ETV6: variants seen among roughly 807,000 people sequenced by gnomAD.
ETV6 encodes ETS variant transcription factor 6, also known as transcription factor ETV6.
In ETV6, 16 loss-of-function variants were observed where a neutral mutation model predicts 51.1. The observed-to-expected ratio is 0.31, with a 90% CI of 0.21 to 0.48. The LOEUF (loss-of-function observed/expected upper bound fraction) is 0.48, where lower values mean the gene tolerates loss of function less well. Among genes scored for constraint, ETV6 ranks in the 20% least tolerant of loss-of-function variants. ETV6 has a pLI of 0.99. For missense variants in ETV6, 458 were observed against 594.8 expected (o/e 0.77, Z 2.39); for synonymous variants, 240 against 224.1 (o/e 1.07, Z -0.64).
chr12:11,889,611 G>A (rs1947256438), intron 7 of ETV6, among the ~76,000 whole-genome samples: 1 of 152,142 alleles, frequency 6.6e-6, no homozygotes, highest in African/African-American at 2.4e-5. Flanking sequence ...AGTCAGGAGG[G>A]CTCCAGATAA....
At chr12:11,766,728 C>T (rs1047254170) in intron 2 of ETV6, among the ~76,000 whole-genome samples, 2 of 150,748 alleles carry the variant, frequency 1.3e-5, no homozygotes, top group Non-Finnish European at 3.0e-5. Flanking sequence ...CCCCTTTTGA[C>T]ATAAAGCAAT....
intron 4 of ETV6, among the ~76,000 whole-genome samples, chr12:11,867,577 C>CA (rs1319254436): frequency 1.3e-5 from 2 of 151,866 alleles, no homozygotes; most frequent in African/African-American, 2.4e-5. Flanking sequence ...GTAGAACTTT[C>CA]AAAAAAGAAA....
intron 1 of ETV6, among the ~76,000 whole-genome samples, chr12:11,700,316 A>G (rs1489855814): frequency 1.3e-5 from 2 of 152,204 alleles, no homozygotes; most frequent in South Asian, 2.1e-4. Flanking sequence ...GGCTTTTAAT[A>G]TAGCCTTCAC....
chr12:11,802,286 C>T (rs577312822), intron 2 of ETV6, among the ~76,000 whole-genome samples: 1 of 152,282 alleles, frequency 6.6e-6, no homozygotes, highest in South Asian at 2.1e-4. Flanking sequence ...CTATGGCTCT[C>T]ATCAGCTGAT....
intron 3 of ETV6, among the ~76,000 whole-genome samples, chr12:11,844,107 C>T (rs1400147663): frequency 2.0e-5 from 3 of 151,938 alleles, no homozygotes; most frequent in African/African-American, 7.3e-5. Flanking sequence ...TGAGAAAACA[C>T]ATTGACAGGA....
chr12:11,664,971 C>T (rs1166463729), intron 1 of ETV6, among the ~76,000 whole-genome samples: 1 of 152,222 alleles, frequency 6.6e-6, no homozygotes, highest in Non-Finnish European at 1.5e-5. Context: ...AGGCCCTTTA[C>T]TGCCTACCTT....
chr12:11,838,737 CAT>C (rs1197561709), intron 2 of ETV6, among the ~76,000 whole-genome samples: 2 of 152,232 alleles, frequency 1.3e-5, no homozygotes, highest in Non-Finnish European at 2.9e-5. Flanking sequence ...TGACACGTGT[CAT>C]AGTTCTGAGC....
intron 2 of ETV6, among the ~76,000 whole-genome samples, chr12:11,789,107 A>G (rs146761364): frequency 6.6e-6 from 1 of 152,052 alleles, no homozygotes; most frequent in South Asian, 2.1e-4. Context: ...ATCTCTGCTC[A>G]CTGCAACCTC....
chr12:11,729,672 A>T (rs1865557307), intron 1 of ETV6, among the ~76,000 whole-genome samples: 1 of 152,066 alleles, frequency 6.6e-6, no homozygotes, highest in Admixed American at 6.6e-5. Context: ...TGAACTCTTG[A>T]CTCAATACAG....
intron 2 of ETV6, among the ~76,000 whole-genome samples, chr12:11,789,764 T>C (rs1178906595): frequency 6.6e-6 from 1 of 152,244 alleles, no homozygotes; most frequent in Non-Finnish European, 1.5e-5. Context: ...GCATTTTTTT[T>C]CAGTGCCATT....
intron 7 of ETV6, among the ~76,000 whole-genome samples, chr12:11,888,465 G>A (rs539983069): frequency 4.9e-5 from 7 of 142,446 alleles, no homozygotes; most frequent in African/African-American, 1.1e-4. Context: ...GCACAATCTC[G>A]ACTCACTGGA....
intron 2 of ETV6, among the ~76,000 whole-genome samples, chr12:11,821,923 C>T (rs1565539176): frequency 6.6e-6 from 1 of 152,176 alleles, no homozygotes; most frequent in Admixed American, 6.5e-5. Context: ...ATATATCTCA[C>T]GTCCTAATCC....
At chr12:11,833,083 T>C (rs1322941132) in intron 2 of ETV6, among the ~76,000 whole-genome samples, 2 of 152,254 alleles carry the variant, frequency 1.3e-5, no homozygotes, top group African/African-American at 4.8e-5. Flanking sequence ...TCAATTAATA[T>C]ACATTCTTAC....
intron 1 of ETV6, among the ~76,000 whole-genome samples, chr12:11,715,145 T>G (rs1865250989): frequency 1.3e-5 from 2 of 152,190 alleles, no homozygotes; most frequent in Admixed American, 6.5e-5. Context: ...AATTCGATAG[T>G]TCTATGAGCA....
intron 1 of ETV6, among the ~76,000 whole-genome samples, chr12:11,734,031 AT>A (rs1483915487): frequency 6.6e-6 from 1 of 152,220 alleles, no homozygotes; most frequent in Non-Finnish European, 1.5e-5. Context: ...TCCAATCTAG[AT>A]AGATGGATTA....
At chr12:11,747,448 T>C (rs1865928864) in intron 1 of ETV6, among the ~76,000 whole-genome samples, 1 of 152,168 alleles carries the variant, frequency 6.6e-6, no homozygotes, top group African/African-American at 2.4e-5. Context: ...ATTTGGTGGA[T>C]GTGGATTTTG....
At chr12:11,878,827 G>GAA (rs111309234) in intron 5 of ETV6, among the ~76,000 whole-genome samples, 58,245 of 132,096 alleles carry the variant, frequency 0.44, 14,563 homozygotes, top group South Asian at 0.6. Context: ...GAGGAGGAGG[G>GAA]GAAAAAAAAA....
intron 1 of ETV6, among the ~76,000 whole-genome samples, chr12:11,718,284 C>T (rs1865315646): frequency 1.3e-5 from 2 of 152,172 alleles, no homozygotes; most frequent in Non-Finnish European, 2.9e-5. Context: ...TCACCCCTTG[C>T]CTGACCACAC....
intron 2 of ETV6, among the ~76,000 whole-genome samples, chr12:11,792,787 A>T (rs902053518): frequency 6.6e-6 from 1 of 152,214 alleles, no homozygotes; most frequent in Admixed American, 6.5e-5. Context: ...TCTTATTTGC[A>T]GCTGAGCTAA....
Sources: allele counts gnomAD v4.1 joint callset (sites outside exome capture counted in the v4.1 genomes callset), GRCh38; gene constraint gnomAD v4.1.1; transcripts MANE v1.5; gene names NCBI Gene and HGNC (gene_info 2026-07-23, HGNC 2026-07-21).